ATPSCKMT: variants seen among roughly 807,000 people sequenced by gnomAD.
ATPSCKMT encodes ATP synthase subunit C lysine N-methyltransferase.
Under a neutral mutation model 24.3 loss-of-function variants are expected in ATPSCKMT, and 24 were observed. That is an observed-to-expected ratio of 0.99 (90% CI 0.71 to 1.39). The LOEUF is 1.39. ATPSCKMT is among the 40% of genes most tolerant of loss of function. The pLI, the probability that ATPSCKMT is intolerant of heterozygous loss-of-function variation, is 0.00. For synonymous variants in ATPSCKMT, 95 were observed against 110.5 expected, an observed-to-expected ratio of 0.86 and a Z score of 0.88; for missense variants, 311 against 298.4, an observed-to-expected ratio of 1.04 and a Z score of -0.31.
At chr5:10,231,440 C>T (rs1284070518) in intron 4 of ATPSCKMT, among the ~76,000 whole-genome samples, 5 of 152,250 alleles carry the variant, frequency 3.3e-5, no homozygotes, top group Admixed American at 6.5e-5. Context: ...CCTCTCTGCT[C>T]ACCCAAGGCT....
intron 4 of ATPSCKMT, among the ~76,000 whole-genome samples, chr5:10,233,048 G>A (rs1029004968): frequency 2.6e-5 from 4 of 152,164 alleles, no homozygotes; most frequent in South Asian, 4.1e-4. Flanking sequence ...AGCTACAACC[G>A]CACAGAGCTG....
chr5:10,234,628 A>C (rs543860054), intron 4 of ATPSCKMT, among the ~76,000 whole-genome samples: 3 of 152,376 alleles, frequency 2.0e-5, no homozygotes, highest in Admixed American at 2.0e-4. Flanking sequence ...TGGTCTGTGC[A>C]CCAGCAATAC....
At chr5:10,236,743 C>A in intron 2 of ATPSCKMT, 128 bp from the exon 3 acceptor site, 1 of 1,471,912 alleles carries the variant, frequency 6.8e-7, no homozygotes, top group Non-Finnish European at 9.0e-7. Context: ...ACTAAGACAT[C>A]ATTTTAAAAT....
At chr5:10,239,003 C>A in intron 2 of ATPSCKMT, 64 bp downstream of exon 2, 1 of 1,556,458 alleles carries the variant, frequency 6.4e-7, no homozygotes. Context: ...GTAAGCCTTA[C>A]TAAATGTAAA....
chr5:10,240,787 A>G (rs902013665), intron 1 of ATPSCKMT, among the ~76,000 whole-genome samples: 6 of 152,076 alleles, frequency 3.9e-5, no homozygotes, highest in Non-Finnish European at 7.4e-5. Context: ...CCAGAGGTTG[A>G]GAGTTTGAGA....
intron 4 of ATPSCKMT, among the ~76,000 whole-genome samples, chr5:10,228,577 A>AT (rs1185422585): frequency 5.9e-5 from 9 of 152,130 alleles, no homozygotes; most frequent in East Asian, 3.8e-4. Context: ...CCTAAAAATA[A>AT]TTTTTTTCTA....
intron 4 of ATPSCKMT, among the ~76,000 whole-genome samples, chr5:10,230,630 AG>A (rs1336802742): frequency 6.6e-6 from 1 of 152,228 alleles, no homozygotes; most frequent in African/African-American, 2.4e-5. Flanking sequence ...ATACAATTAT[AG>A]GTTTCAAAGT....
rs184365211 is a variant in ATPSCKMT at position 10,241,530 on chromosome 5, T to C, written c.17-2174A>G. ...TCTTGATTCCTGAAGCCCCTTAAAATGAGTTGTAAAACTGATTTCACAGTG... is the reference window on the plus strand; with the variant it reads ...TCTTGATTCCTGAAGCCCCTTAAAACGAGTTGTAAAACTGATTTCACAGTG... On this transcript the variant is annotated intron_variant, in intron 1 of 4. Transcript: ENST00000511437. 1.1e-4 allele frequency among the ~76,000 whole-genome samples: 17 copies of C among 152,202 alleles called. No homozygotes were observed. In the East Asian group the frequency reaches 3.3e-3, roughly 29 times the overall value.
At position 10,227,343 on chromosome 5, in the gene ATPSCKMT, A is replaced by AGAAATTGT; in HGVS notation, c.*97_*98insACAATTTC. 2 of 1,305,130 alleles carry AGAAATTGT rather than the reference A, an allele frequency of 1.5e-6. No individual in the cohort carries two copies. Among genetic ancestry groups the AGAAATTGT allele is most frequent in the Non-Finnish European group, 2.1e-6 (2 of 935,870 alleles). The allele number at this position is 1,305,130 out of a possible 1,614,324, so 80.8% of individuals were successfully genotyped here. A position where few individuals can be genotyped will look rare whatever the true frequency, so the allele number is the denominator to read the frequency against. Reference sequence around the variant, plus strand: ...AAGTAATAGTAATTTCTCATTCCAAACCAAAGACAATTATGCTCCTTTGCT... The same window carrying AGAAATTGT: ...AAGTAATAGTAATTTCTCATTCCAAAGAAATTGTCCAAAGACAATTATGCTCCTTTGCT... On this transcript the variant is annotated 3_prime_UTR_variant, in exon 5 of 5. Transcript: ENST00000511437.
chr5:10,233,642 C>T (rs1314469193), intron 4 of ATPSCKMT, among the ~76,000 whole-genome samples: 1 of 152,170 alleles, frequency 6.6e-6, no homozygotes, highest in East Asian at 1.9e-4. Flanking sequence ...GTCGGCTCCA[C>T]AGGTCCTGGA....
chr5:10,227,235 G>A lies in ATPSCKMT; in HGVS notation c.*206C>T, dbSNP rs575433410. On this transcript the variant is annotated 3_prime_UTR_variant, in exon 5 of 5. Coordinates refer to ENST00000511437, the MANE Select transcript of ATPSCKMT (RefSeq NM_199133.4). The stretch of plus-strand genomic sequence containing the variant: ...ATCCAGGTGCATGGAAAGGCAGTAA[G>A]TACAATTTTTAAGAAAATAGCATCA... The A allele has an allele frequency of 3.1e-5, 18 of 581,548 alleles. No individual in the cohort carries two copies. The South Asian group carries it at 3.3e-4, about 11-fold the overall frequency. 36.0% of individuals were successfully genotyped at this position (581,548 alleles called of 1,614,324 possible).
chr5:10,243,318 T>C (rs891389960), intron 1 of ATPSCKMT, among the ~76,000 whole-genome samples: 1 of 152,150 alleles, frequency 6.6e-6, no homozygotes, highest in Non-Finnish European at 1.5e-5. Context: ...GCCCAGTCTC[T>C]ACTAAAAATA....
At chr5:10,243,317 C>G (rs1354017461) in intron 1 of ATPSCKMT, among the ~76,000 whole-genome samples, 3 of 152,132 alleles carry the variant, frequency 2.0e-5, no homozygotes, top group African/African-American at 7.2e-5. Context: ...AGCCCAGTCT[C>G]TACTAAAAAT....
intron 3 of ATPSCKMT, chr5:10,236,249 T>C (rs1256019106): frequency 5.1e-6 from 2 of 394,434 alleles, no homozygotes; most frequent in African/African-American, 4.1e-5. Context: ...TTTAATTTAG[T>C]AAATAAATTC....
Position 10,239,370 on chromosome 5 carries a change from A to G in ATPSCKMT, c.17-14T>C, listed in dbSNP as rs1744523364. 1 of 1,595,640 alleles carries G rather than the reference A, an allele frequency of 6.3e-7. No homozygotes were observed. Among genetic ancestry groups the G allele is most frequent in the African/African-American group, 1.3e-5 (1 of 74,342 alleles). ...CTAGGGGTATACCTAGATTGAAAGC[A>G]AGCAGAAGAGACACATGTAGCACCA... On this transcript the variant is annotated splice_polypyrimidine_tract_variant and intron_variant, in intron 1 of 4. Coordinates refer to ENST00000511437, the MANE Select transcript of ATPSCKMT (RefSeq NM_199133.4).
At chr5:10,245,517 G>A (rs1315527351) in intron 1 of ATPSCKMT, among the ~76,000 whole-genome samples, 8 of 152,082 alleles carry the variant, frequency 5.3e-5, no homozygotes, top group East Asian at 3.9e-4. Flanking sequence ...AGGCTGAGGC[G>A]GGTGGATCAC....
In ATPSCKMT at chr5:10,226,094, G is replaced by A. The variant is rs1743866028; in HGVS notation, c.*1347C>T. Among the ~76,000 whole-genome samples, 1 of 152,108 alleles carries A rather than the reference G, an allele frequency of 6.6e-6. No homozygotes were observed. The highest frequency in any genetic ancestry group is 2.4e-5 in the African/African-American group (1 of 41,404). On this transcript the variant is annotated 3_prime_UTR_variant, in exon 5 of 5. Transcript: ENST00000511437. ...CATCCCCTCATCTCAGACTCACACA[G>A]GTGCTCTCTACACCATCACACTGTT...
At chr5:10,246,864 C>T (rs1387580708) in intron 1 of ATPSCKMT, among the ~76,000 whole-genome samples, 4 of 152,166 alleles carry the variant, frequency 2.6e-5, no homozygotes, top group East Asian at 1.9e-4. Flanking sequence ...ACAAACAAAA[C>T]GCTACAGGCA....
chr5:10,242,543 A>G (rs1232767433), intron 1 of ATPSCKMT, among the ~76,000 whole-genome samples: 2 of 152,216 alleles, frequency 1.3e-5, no homozygotes, highest in African/African-American at 2.4e-5. Flanking sequence ...GTCATCCATG[A>G]GGATTGAAAT....
Sources: allele counts gnomAD v4.1 joint callset (sites outside exome capture counted in the v4.1 genomes callset), GRCh38; gene constraint gnomAD v4.1.1; transcripts MANE v1.5; gene names NCBI Gene and HGNC (gene_info 2026-07-23, HGNC 2026-07-21).